The following ITSN2 variants were observed in gnomAD, a reference collection of about 807,000 sequenced individuals.
The protein encoded by ITSN2 is intersectin 2.
Under a neutral mutation model 243.7 loss-of-function variants are expected in ITSN2, and 156 were observed. The ratio of observed to expected loss-of-function variants is 0.64; its 90% CI spans 0.56 to 0.73. The LOEUF (loss-of-function observed/expected upper bound fraction) is 0.73. Ranked by LOEUF, ITSN2 falls within the 30% of genes least tolerant of loss-of-function variation. The probability of loss-of-function intolerance (pLI) is 0.00; values close to 1 mark genes in which losing one functional copy is unlikely to be tolerated. For synonymous variants in ITSN2, 703 were observed against 699.9 expected (o/e 1.00, Z -0.07); for missense variants, 1,801 against 1,996.1 (o/e 0.90, Z 1.86).
rs965279180 is a variant in ITSN2, at chr2:24,316,957, C to A, written c.32-1733G>T. ...CCTAGTGATTCTCTAGCCTGATAGT[C>A]CCATTTTGGGGAGGGTCAACTTGAA... On this transcript the variant is annotated intron_variant, in intron 2 of 39. Transcript: ENST00000355123. 4.6e-5 allele frequency among the ~76,000 whole-genome samples: 7 copies of A among 152,296 alleles called. No homozygotes were observed. The East Asian group carries it at 1.3e-3, about 29-fold the overall frequency.
intron 2 of ITSN2, among the ~76,000 whole-genome samples, chr2:24,326,014 A>G (rs1574320824): frequency 6.6e-6 from 1 of 152,158 alleles, no homozygotes; most frequent in East Asian, 1.9e-4. Flanking sequence ...CATCAAAACA[A>G]TTTAACAATC....
intron 8 of ITSN2, among the ~76,000 whole-genome samples, chr2:24,306,263 A>T (rs1158280742): frequency 1.3e-5 from 2 of 152,178 alleles, no homozygotes; most frequent in Non-Finnish European, 2.9e-5. Flanking sequence ...TACAGGTGTG[A>T]GCCACTGCAC....
At position 24,293,726 on chromosome 2, in the gene ITSN2, T is replaced by C. The variant is rs1380668048; in HGVS notation, c.1685A>G (p.Asn562Ser). The C allele has an allele frequency of 1.6e-6, 2 of 1,272,062 alleles. No homozygotes were observed. The highest frequency in any genetic ancestry group is 2.2e-6 in the Non-Finnish European group (2 of 909,790). 78.8% of individuals were successfully genotyped at this position (1,272,062 alleles called of 1,614,324 possible). A position where few individuals can be genotyped will look rare whatever the true frequency, so the allele number is the denominator to read the frequency against. Residue 562 changes from asparagine to serine, a missense_variant, in exon 15 of 40, where the codon AAT becomes AGT. Coordinates refer to ENST00000355123, the MANE Select transcript of ITSN2 (RefSeq NM_006277.3). ...GAACTGCATGTTTTTAATTCTTTCATTTAATAATTGCTTCTCAGGTACCAG... is the reference window on the plus strand; with the variant it reads ...GAACTGCATGTTTTTAATTCTTTCACTTAATAATTGCTTCTCAGGTACCAG... ...IYLVPEKQLL[N>S]ERIKNMQFSN...
chr2:24,320,709 C>T (rs936068628), intron 2 of ITSN2, among the ~76,000 whole-genome samples: 1 of 135,044 alleles, frequency 7.4e-6, no homozygotes, highest in Non-Finnish European at 1.6e-5. Context: ...CCTGTCTCAA[C>T]AAAAAACAAA....
chr2:24,217,248 C>CA (rs34890758), intron 31 of ITSN2, among the ~76,000 whole-genome samples: 76 of 146,936 alleles, frequency 5.2e-4, no homozygotes, highest in African/African-American at 1.5e-3. Context: ...GACTCCATCT[C>CA]AAAAAAAAAA....
At chr2:24,254,463 A>C in intron 23 of ITSN2, 32 bp from the exon 24 acceptor site, 1 of 1,526,442 alleles carries the variant, frequency 6.6e-7, no homozygotes, top group Non-Finnish European at 9.1e-7. Context: ...AAACAAACAA[A>C]CAAACAAATA....
chr2:24,352,987 G>A (rs1243457931), intron 1 of ITSN2, among the ~76,000 whole-genome samples: 2 of 152,178 alleles, frequency 1.3e-5, no homozygotes, highest in African/African-American at 4.8e-5. Context: ...AATTCAGACA[G>A]ATGCTTCACT....
chr2:24,286,458 G>T, intron 15 of ITSN2, 107 bp from the exon 16 acceptor site: 2 of 869,768 alleles, frequency 2.3e-6, no homozygotes, highest in Middle Eastern at 2.7e-4. Context: ...CAATACGAAG[G>T]ATGTATACAC....
intron 8 of ITSN2, 103 bp from the exon 9 acceptor site, chr2:24,303,965 T>C (rs1682146793): frequency 1.2e-6 from 1 of 832,338 alleles, no homozygotes; most frequent in Non-Finnish European, 2.0e-6. Flanking sequence ...CAGGGTATCC[T>C]GGGAACTTTT....
chr2:24,323,607 T>C (rs1337565810), intron 2 of ITSN2, among the ~76,000 whole-genome samples: 1 of 152,210 alleles, frequency 6.6e-6, no homozygotes, highest in African/African-American at 2.4e-5. Flanking sequence ...GAGAACTTTT[T>C]AGGTGATGCA....
chr2:24,284,672 A>T, intron 17 of ITSN2, 91 bp downstream of exon 17: 1 of 759,384 alleles, frequency 1.3e-6, no homozygotes, highest in Non-Finnish European at 2.3e-6. Context: ...TCAAACAAAG[A>T]TACTCAGATA....
At chr2:24,274,956 C>A (rs191094109) in intron 18 of ITSN2, among the ~76,000 whole-genome samples, 2 of 152,236 alleles carry the variant, frequency 1.3e-5, no homozygotes, top group Admixed American at 1.3e-4. Flanking sequence ...AAATACCATG[C>A]AAAGTTTCTA....
At chr2:24,251,233 G>A (rs1438050610) in intron 25 of ITSN2, among the ~76,000 whole-genome samples, 4 of 145,038 alleles carry the variant, frequency 2.8e-5, no homozygotes, top group African/African-American at 5.1e-5. Flanking sequence ...GCTAAGGCAC[G>A]AGAATTGCTT....
At chr2:24,256,033 A>G (rs905467753) in intron 23 of ITSN2, among the ~76,000 whole-genome samples, 1 of 151,930 alleles carries the variant, frequency 6.6e-6, no homozygotes, top group Non-Finnish European at 1.5e-5. Context: ...AGCCTGGGCA[A>G]CAAAAGCGAA....
Position 24,298,681 on chromosome 2 carries a change from A to G in ITSN2, c.1478T>C (p.Leu493Pro). ...RLNSKKKNLH[L>P]ELEALNGKHQ... ...CAGCCATACCAGTGCTTCCAACTCA[A>G]GATGAAGATTCTTCTTTTTAGAGTT... is the stretch of plus-strand genomic sequence containing the variant. Residue 493 changes from leucine (L) to proline (P), a missense_variant, in exon 13 of 40, where the codon CTT becomes CCT. Leu to Pro is a moderately conservative substitution (Grantham distance 98, BLOSUM62 -3). Transcript: ENST00000355123. The G allele has an allele frequency of 6.2e-7, 1 of 1,602,506 alleles. No homozygotes were observed. The highest frequency in any genetic ancestry group is 2.2e-5 in the East Asian group (1 of 44,726).
intron 2 of ITSN2, among the ~76,000 whole-genome samples, chr2:24,320,845 C>T (rs1329057352): frequency 6.6e-6 from 1 of 152,132 alleles, no homozygotes; most frequent in Non-Finnish European, 1.5e-5. Context: ...CCCTGCAGAG[C>T]ACAGCTGAGA....
chr2:24,277,372 C>T (rs960362080), intron 17 of ITSN2, among the ~76,000 whole-genome samples: 2 of 152,188 alleles, frequency 1.3e-5, no homozygotes, highest in African/African-American at 4.8e-5. Flanking sequence ...GAACCTTTTA[C>T]TTGATTGAAA....
rs1322612166 is a variant in ITSN2, at chr2:24,249,316, G to GA, written c.3121-435dup. Among the ~76,000 whole-genome samples the GA allele has an allele frequency of 6.6e-6, 1 of 152,122 alleles. No homozygotes were observed. Among genetic ancestry groups the GA allele is most frequent in the Non-Finnish European group, 1.5e-5 (1 of 68,016 alleles). ...TCCTGACTTATCTATGGATCTTGAT[G>GA]AACAGGAGACAATGTTTTTATTTTT... On this transcript the variant is annotated intron_variant, in intron 25 of 39. Transcript: ENST00000355123. The surrounding 1 kb of genome is among the most constrained non-coding windows in gnomAD (Gnocchi z 4.4).
intron 9 of ITSN2, 22 bp downstream of exon 9, chr2:24,303,777 T>C (rs1443176939): frequency 6.9e-7 from 1 of 1,444,326 alleles, no homozygotes; most frequent in South Asian, 1.1e-5. Flanking sequence ...ATTAATCAAA[T>C]GTAATTAAGG....
Sources: allele counts gnomAD v4.1 joint callset (sites outside exome capture counted in the v4.1 genomes callset), GRCh38; gene constraint gnomAD v4.1.1; non-coding constraint Gnocchi (gnomAD v3.1); transcripts MANE v1.5; gene names NCBI Gene and HGNC (gene_info 2026-07-23, HGNC 2026-07-21).